Variants in PDZD2 observed in about 807,000 individuals in gnomAD.
PDZD2 encodes PDZ domain-containing protein 2.
PDZD2 carries 90 observed loss-of-function variants against 220.7 expected under a neutral mutation model. The observed-to-expected ratio is 0.41, with a 90% CI of 0.34 to 0.49. The LOEUF is 0.49. Ranked by LOEUF, PDZD2 falls within the 20% of genes least tolerant of loss-of-function variation. The pLI is 0.28. For missense variants in PDZD2, 3,174 were observed against 3,608.5 expected, an observed-to-expected ratio of 0.88 and a Z score of 3.08; for synonymous variants, 1,375 against 1,450.5, an observed-to-expected ratio of 0.95 and a Z score of 1.18.
chr5:31,833,430 T>C (rs980700183), intron 2 of PDZD2, among the ~76,000 whole-genome samples: 4 of 151,684 alleles, frequency 2.6e-5, no homozygotes, highest in African/African-American at 9.7e-5. Flanking sequence ...ATGGTGCCAC[T>C]GCACTGTAGC....
At chr5:31,745,185 T>A (rs1750520981) in intron 1 of PDZD2, among the ~76,000 whole-genome samples, 1 of 152,222 alleles carries the variant, frequency 6.6e-6, no homozygotes, top group Admixed American at 6.5e-5. Context: ...GTTTAGTTTT[T>A]AAGCAATATT....
At chr5:31,778,645 C>A (rs1044362247) in intron 1 of PDZD2, among the ~76,000 whole-genome samples, 2 of 152,190 alleles carry the variant, frequency 1.3e-5, no homozygotes, top group Non-Finnish European at 2.9e-5. Flanking sequence ...TCAGAAGGAA[C>A]AAATTCCGGA....
chr5:32,103,034 A>G (rs184309983), intron 24 of PDZD2, among the ~76,000 whole-genome samples: 2,566 of 151,000 alleles, frequency 0.017, 79 homozygotes, highest in African/African-American at 0.059. Context: ...GTAAAAACAG[A>G]ACAGAAGAAA....
Position 32,074,809 on chromosome 5 carries a change from CCTT to C in PDZD2, c.3537+167_3537+169del, listed in dbSNP as rs1216679507. Among the ~76,000 whole-genome samples, 3 of 129,752 alleles carry C rather than the reference CCTT, an allele frequency of 2.3e-5. No homozygotes were observed. In the Admixed American group the frequency reaches 2.4e-4, roughly 10 times the overall value. The allele number at this position is 129,752 out of a possible 152,430, so 85.1% of individuals were successfully genotyped here. ...CTTAAATACCTGGACTGCTTGGAAG[CCTT>C]TTTTTTTTTTTTCTTGGAGATGGAG... On this transcript the variant is annotated intron_variant, in intron 18 of 24. Coordinates refer to ENST00000438447, the MANE Select transcript of PDZD2 (RefSeq NM_178140.4).
At chr5:31,653,627 G>C (rs1447598248) in intron 1 of PDZD2, among the ~76,000 whole-genome samples, 1 of 152,074 alleles carries the variant, frequency 6.6e-6, no homozygotes, top group Non-Finnish European at 1.5e-5. Context: ...CTTTTCAAAT[G>C]GAAAGATTTC....
At chr5:31,934,719 T>A (rs918770081) in intron 2 of PDZD2, among the ~76,000 whole-genome samples, 12 of 151,904 alleles carry the variant, frequency 7.9e-5, no homozygotes, top group Admixed American at 2.0e-4. Flanking sequence ...GGAACTAGGT[T>A]ATGTCAATAC....
intron 1 of PDZD2, among the ~76,000 whole-genome samples, chr5:31,685,124 T>G (rs749561515): frequency 6.6e-6 from 1 of 152,182 alleles, no homozygotes; most frequent in Non-Finnish European, 1.5e-5. Flanking sequence ...CTTTATAAGT[T>G]TCAATGCTTG....
At chr5:31,782,053 T>C (rs1016410264) in intron 1 of PDZD2, among the ~76,000 whole-genome samples, 3 of 152,174 alleles carry the variant, frequency 2.0e-5, no homozygotes, top group African/African-American at 7.2e-5. Flanking sequence ...CCATGGGTGC[T>C]ATCTGCATTC....
At chr5:31,815,245 C>CA (rs59040987) in intron 2 of PDZD2, among the ~76,000 whole-genome samples, 3,068 of 57,746 alleles carry the variant, frequency 0.053, 144 homozygotes, top group African/African-American at 0.085. Context: ...AACTCTGTCT[C>CA]AAAAAAAAAA....
In PDZD2 at chr5:32,087,470, C is replaced by T; in HGVS notation, c.4022C>T (p.Pro1341Leu). 1 of 1,613,730 alleles carries T rather than the reference C, an allele frequency of 6.2e-7. No homozygotes were observed. The highest frequency in any genetic ancestry group is 1.1e-5 in the South Asian group (1 of 91,028). The change falls in exon 20 of 25, where the codon CCA (proline) becomes CTA (leucine). Residue 1341 changes from proline to leucine, a missense_variant. Physicochemically the swap from Pro to Leu is moderately conservative, Grantham distance 98 (BLOSUM62 -3). Transcript: ENST00000438447. The surrounding 1 kb of genome is among the most constrained non-coding windows in gnomAD (Gnocchi z 4.0). Reference sequence around the variant, plus strand: ...ATGACACCAGCTGGTGCTGTCCTGCCAGGAGACCCCCTCACATCCCAGGAG... The same window carrying T: ...ATGACACCAGCTGGTGCTGTCCTGCTAGGAGACCCCCTCACATCCCAGGAG... ...EGMTPAGAVLPGDPLTSQEQR... is the reference protein window; with the variant it reads ...EGMTPAGAVLLGDPLTSQEQR...
chr5:31,786,797 A>T lies in PDZD2; in HGVS notation c.-360-12092A>T, dbSNP rs567406269. Among the ~76,000 whole-genome samples, 173 of 152,312 alleles carry T rather than the reference A, an allele frequency of 1.1e-3. 7 individuals carry two copies. In the South Asian group the frequency reaches 0.034, roughly 30 times the overall value. ...GGGCCGTACAGCTAGCTAGTGGCAG[A>T]GTGTATTACTGGCTCTTATAAATAT... On this transcript the variant is annotated intron_variant, in intron 1 of 24. Coordinates refer to ENST00000438447, the MANE Select transcript of PDZD2 (RefSeq NM_178140.4).
chr5:31,998,491 GGAAA>G (rs1320268078), intron 4 of PDZD2, among the ~76,000 whole-genome samples: 3 of 152,198 alleles, frequency 2.0e-5, no homozygotes, highest in Admixed American at 2.0e-4. Context: ...AGGGAAGGAT[GGAAA>G]GAGAGAAGTC....
At chr5:31,670,504 C>A (rs572791680) in intron 1 of PDZD2, among the ~76,000 whole-genome samples, 67 of 152,256 alleles carry the variant, frequency 4.4e-4, no homozygotes, top group African/African-American at 1.3e-3. Context: ...GCAACCTCCG[C>A]CTCCCGGGTT....
chr5:32,104,762 T>C (rs1242109179), intron 24 of PDZD2, among the ~76,000 whole-genome samples: 1 of 142,002 alleles, frequency 7.0e-6, no homozygotes, highest in Non-Finnish European at 1.5e-5. Flanking sequence ...AAAATGTTCA[T>C]TATATGGCAA....
At chr5:31,960,563 T>C (rs953721318) in intron 2 of PDZD2, among the ~76,000 whole-genome samples, 5 of 152,100 alleles carry the variant, frequency 3.3e-5, no homozygotes, top group African/African-American at 1.2e-4. Context: ...TTAGAATTCA[T>C]AGTCCTAACC....
At chr5:31,777,367 G>A (rs996233297) in intron 1 of PDZD2, among the ~76,000 whole-genome samples, 25 of 152,184 alleles carry the variant, frequency 1.6e-4, no homozygotes, top group Non-Finnish European at 2.9e-4. Flanking sequence ...CCTGCAGCCC[G>A]CCATGCCTGA....
intron 8 of PDZD2, among the ~76,000 whole-genome samples, chr5:32,049,632 G>A (rs1738327421): frequency 2.6e-5 from 4 of 152,200 alleles, no homozygotes; most frequent in Admixed American, 2.6e-4. Flanking sequence ...AGCTTTAAAG[G>A]TGCTCGAATC....
Position 31,811,332 on chromosome 5 carries a change from T to C in PDZD2, c.476+11608T>C, listed in dbSNP as rs140965015. On this transcript the variant is annotated intron_variant, in intron 2 of 24. Coordinates refer to ENST00000438447, the MANE Select transcript of PDZD2 (RefSeq NM_178140.4). Reference sequence around the variant, plus strand: ...TGTTGAATTATATGGAGCAACAATGTTGAATTGTATGGATCTCTTATCTTT... The same window carrying C: ...TGTTGAATTATATGGAGCAACAATGCTGAATTGTATGGATCTCTTATCTTT... 1.5e-4 allele frequency among the ~76,000 whole-genome samples: 23 copies of C among 152,340 alleles called. 1 individual carries two copies. In the East Asian group the frequency reaches 4.2e-3, roughly 28 times the overall value.
rs879193577 is a variant in PDZD2, at chr5:32,048,460, A to G, written c.1520-79A>G. ...AAACCATGAAGGTGGGTGTAAATAC[A>G]ATGAGTTTATGCCTCTGGATGTGCT... On this transcript the variant is annotated intron_variant, in intron 7 of 24. Coordinates refer to ENST00000438447, the MANE Select transcript of PDZD2 (RefSeq NM_178140.4). 9 of 1,221,066 alleles carry G rather than the reference A, an allele frequency of 7.4e-6. No homozygotes were observed. The Admixed American group carries it at 9.0e-5, about 12-fold the overall frequency. 75.6% of individuals were successfully genotyped at this position (1,221,066 alleles called of 1,614,324 possible).
Sources: allele counts gnomAD v4.1 joint callset (sites outside exome capture counted in the v4.1 genomes callset), GRCh38; gene constraint gnomAD v4.1.1; non-coding constraint Gnocchi (gnomAD v3.1); transcripts MANE v1.5; gene names NCBI Gene and HGNC (gene_info 2026-07-23, HGNC 2026-07-21).